MCTP1: variants seen among roughly 807,000 people sequenced by gnomAD.
MCTP1 encodes the protein multiple C2 and transmembrane domain containing 1, also known as multiple C2 and transmembrane domain-containing protein 1.
Under a neutral mutation model 120.6 loss-of-function variants are expected in MCTP1, and 69 were observed. The ratio of observed to expected loss-of-function variants is 0.57; its 90% CI spans 0.47 to 0.70. MCTP1 has a LOEUF of 0.70. MCTP1 is among the 30% of genes least tolerant of loss of function. The pLI is 0.00. For missense variants in MCTP1, 1,203 were observed against 1,248.8 expected, an observed-to-expected ratio of 0.96 and a Z score of 0.55; for synonymous variants, 529 against 493.1, an observed-to-expected ratio of 1.07 and a Z score of -0.96.
At chr5:95,175,882 C>G (rs193038962) in intron 1 of MCTP1, among the ~76,000 whole-genome samples, 12 of 152,262 alleles carry the variant, frequency 7.9e-5, no homozygotes, top group Non-Finnish European at 1.8e-4. Context: ...TTTCTCAAAA[C>G]CAAACAAAAC....
chr5:95,271,444 G>GTATT (rs1759385845), intron 1 of MCTP1, among the ~76,000 whole-genome samples: 1 of 133,212 alleles, frequency 7.5e-6, no homozygotes, highest in Admixed American at 8.2e-5. Flanking sequence ...GATCCTAAAA[G>GTATT]TATTTCTCTT....
intron 2 of MCTP1, among the ~76,000 whole-genome samples, chr5:94,977,092 C>T (rs1332425956): frequency 5.4e-4 from 82 of 152,112 alleles, no homozygotes; most frequent in Non-Finnish European, 3.2e-4. Context: ...CCACAACAAA[C>T]TGTTAGAATA....
chr5:94,741,051 A>G (rs530504965), intron 19 of MCTP1, among the ~76,000 whole-genome samples: 31 of 152,334 alleles, frequency 2.0e-4, no homozygotes, highest in Admixed American at 7.8e-4. Context: ...AAGAGTCTTC[A>G]TGACCAAGGG....
intron 1 of MCTP1, among the ~76,000 whole-genome samples, chr5:95,214,040 T>C (rs1349311861): frequency 2.6e-5 from 4 of 152,380 alleles, no homozygotes; most frequent in African/African-American, 2.4e-5. Flanking sequence ...AAAGAGCTTC[T>C]GCACAGCAAA....
intron 19 of MCTP1, among the ~76,000 whole-genome samples, chr5:94,744,292 C>CT (rs1451069259): frequency 1.3e-5 from 2 of 152,238 alleles, no homozygotes; most frequent in African/African-American, 4.8e-5. Context: ...TTTTTGAAGA[C>CT]TGTTTTAAAA....
At position 95,100,997 on chromosome 5, in the gene MCTP1, A is replaced by T. The variant is rs571937462; in HGVS notation, c.721-83513T>A. 2.6e-5 allele frequency among the ~76,000 whole-genome samples: 4 copies of T among 152,314 alleles called. No individual in the cohort carries two copies. In the South Asian group the frequency reaches 8.3e-4, roughly 32 times the overall value. ...AGGTCTGTTGCAGGGAAAACACAAG[A>T]CAAGTTTGAACGTTTTATGCCAGTG... On this transcript the variant is annotated intron_variant, in intron 1 of 22. Transcript: ENST00000515393.
chr5:94,789,360 A>C (rs1778401187), intron 18 of MCTP1: 1 of 152,214 alleles, frequency 6.6e-6, no homozygotes, highest in Non-Finnish European at 1.5e-5. Context: ...ATCTTTAGTA[A>C]ATTGACTTTT....
chr5:94,884,267 T>C (rs1044707948), intron 12 of MCTP1, among the ~76,000 whole-genome samples: 1 of 152,222 alleles, frequency 6.6e-6, no homozygotes, highest in Non-Finnish European at 1.5e-5. Context: ...TGTGAGAAAG[T>C]AGAGGCCTAA....
At chr5:95,002,901 A>G (rs1239908734) in intron 2 of MCTP1, among the ~76,000 whole-genome samples, 6 of 152,096 alleles carry the variant, frequency 3.9e-5, no homozygotes, top group South Asian at 2.1e-4. Flanking sequence ...CCCCACCCAA[A>G]TCTCATCTTG....
At chr5:95,129,971 C>T (rs1047681444) in intron 1 of MCTP1, among the ~76,000 whole-genome samples, 1 of 152,222 alleles carries the variant, frequency 6.6e-6, no homozygotes, top group Non-Finnish European at 1.5e-5. Context: ...AGAGGATGGG[C>T]AAATTTTTTG....
intron 1 of MCTP1, among the ~76,000 whole-genome samples, chr5:95,272,153 T>C (rs1303679069): frequency 6.6e-6 from 1 of 152,188 alleles, no homozygotes; most frequent in Non-Finnish European, 1.5e-5. Context: ...CTGGTAAAGG[T>C]ATCCTCTCTG....
chr5:94,905,635 G>A (rs1476181548), intron 10 of MCTP1, among the ~76,000 whole-genome samples: 1 of 152,228 alleles, frequency 6.6e-6, no homozygotes, highest in Non-Finnish European at 1.5e-5. Flanking sequence ...ATGGTTCCAC[G>A]ATTTTTGGTG....
At chr5:95,146,571 G>T (rs1488896596) in intron 1 of MCTP1, among the ~76,000 whole-genome samples, 1 of 151,996 alleles carries the variant, frequency 6.6e-6, no homozygotes, top group Non-Finnish European at 1.5e-5. Context: ...CAAAATTTTG[G>T]TAAGTTGTAT....
intron 1 of MCTP1, among the ~76,000 whole-genome samples, chr5:95,086,070 A>G (rs1755421236): frequency 6.6e-6 from 1 of 152,086 alleles, no homozygotes; most frequent in Non-Finnish European, 1.5e-5. Context: ...TAATTTAAAA[A>G]TTTATTTTTT....
intron 8 of MCTP1, among the ~76,000 whole-genome samples, chr5:94,914,304 T>C (rs545604371): frequency 3.3e-5 from 5 of 152,340 alleles, no homozygotes; most frequent in African/African-American, 1.2e-4. Context: ...ACTTTCTATC[T>C]GATCCGTTCT....
intron 2 of MCTP1, among the ~76,000 whole-genome samples, chr5:94,990,415 G>T (rs1289576460): frequency 6.6e-6 from 1 of 152,176 alleles, no homozygotes; most frequent in Non-Finnish European, 1.5e-5. Flanking sequence ...GGTTATGGCA[G>T]AATTCAGTTC....
At chr5:95,256,031 C>T (rs1414256285) in intron 1 of MCTP1, among the ~76,000 whole-genome samples, 4 of 152,138 alleles carry the variant, frequency 2.6e-5, no homozygotes, top group African/African-American at 4.8e-5. Flanking sequence ...TTCATGAAAC[C>T]GTTGGTAAAA....
chr5:94,869,955 C>G (rs1218851918), intron 16 of MCTP1, among the ~76,000 whole-genome samples: 4 of 152,072 alleles, frequency 2.6e-5, no homozygotes, highest in East Asian at 3.9e-4. Flanking sequence ...GAAGATGGAG[C>G]CTCCTCGCAT....
intron 10 of MCTP1, among the ~76,000 whole-genome samples, chr5:94,899,750 C>T (rs563587425): frequency 6.6e-6 from 1 of 152,342 alleles, no homozygotes; most frequent in African/African-American, 2.4e-5. Flanking sequence ...CATATGGATG[C>T]ACCTGCTAAG....
Sources: allele counts gnomAD v4.1 joint callset (sites outside exome capture counted in the v4.1 genomes callset), GRCh38; gene constraint gnomAD v4.1.1; transcripts MANE v1.5; gene names NCBI Gene and HGNC (gene_info 2026-07-23, HGNC 2026-07-21).